Variants in UBR2 observed in about 807,000 individuals in gnomAD.
UBR2 encodes ubiquitin protein ligase E3 component n-recognin 2.
In UBR2, 92 loss-of-function variants were observed where a neutral mutation model predicts 247.9. That is an observed-to-expected ratio of 0.37 (90% CI 0.31 to 0.44). UBR2 has a LOEUF of 0.44. Ranked by LOEUF, UBR2 falls within the 20% of genes least tolerant of loss-of-function variation. The pLI is 1.00. For missense variants in UBR2, 1,613 were observed against 2,112.6 expected (o/e 0.76, Z 4.64); for synonymous variants, 672 against 693.5 (o/e 0.97, Z 0.49).
rs1797624627 is a variant in UBR2 at position 42,659,161 on chromosome 6, A to G, written c.3242+337A>G. Among the ~76,000 whole-genome samples, 1 of 152,184 alleles carries G rather than the reference A, an allele frequency of 6.6e-6. No individual in the cohort carries two copies. Among genetic ancestry groups the G allele is most frequent in the Non-Finnish European group, 1.5e-5 (1 of 68,028 alleles). On this transcript the variant is annotated intron_variant, in intron 29 of 46. Coordinates refer to ENST00000372901, the MANE Select transcript of UBR2 (RefSeq NM_001363705.2). This position sits in a 1 kb window ranked among gnomAD's most constrained non-coding sequence, Gnocchi z 4.3. ...AAAGGAGATGGTTTTGATACATACC[A>G]AAGACTTGACAATCCAAGTTATCAA...
chr6:42,677,860 G>A (rs1203684221), intron 40 of UBR2, among the ~76,000 whole-genome samples: 1 of 152,202 alleles, frequency 6.6e-6, no homozygotes, highest in Non-Finnish European at 1.5e-5. Context: ...GTTTGATATA[G>A]TGATGAATGT....
At chr6:42,575,659 A>G (rs1477385038) in intron 2 of UBR2, among the ~76,000 whole-genome samples, 2 of 152,196 alleles carry the variant, frequency 1.3e-5, no homozygotes, top group Admixed American at 6.5e-5. Context: ...TTCAAGTTGC[A>G]TCTGTGACAG....
At chr6:42,687,121 G>A (rs1018770689) in intron 44 of UBR2, among the ~76,000 whole-genome samples, 1 of 152,242 alleles carries the variant, frequency 6.6e-6, no homozygotes, top group African/African-American at 2.4e-5. Flanking sequence ...CACTTTGGGA[G>A]GCCAAGGCAG....
At chr6:42,674,060 A>G in intron 37 of UBR2, 66 bp from the exon 38 acceptor site, 2 of 1,510,478 alleles carry the variant, frequency 1.3e-6, no homozygotes, top group African/African-American at 1.4e-5. Flanking sequence ...AATTTAAAGC[A>G]GATTATATGC....
intron 34 of UBR2, among the ~76,000 whole-genome samples, chr6:42,666,873 A>G (rs971289169): frequency 6.6e-6 from 1 of 152,022 alleles, no homozygotes; most frequent in Admixed American, 6.6e-5. Context: ...CAGCACCACC[A>G]CTTATTAGCT....
At position 42,645,597 on chromosome 6, in the gene UBR2, A is replaced by G. The variant is rs1288655814; in HGVS notation, c.2409+7A>G. 6.2e-6 allele frequency: 10 copies of G among 1,610,498 alleles called. No homozygotes were observed. Among genetic ancestry groups the G allele is most frequent in the Non-Finnish European group, 8.5e-6 (10 of 1,179,180 alleles). Reference sequence around the variant, plus strand: ...AAAGTCTTTACCTGAAGATGTAAGTACCTACATTTCTAAAAAGAAAACCAT... The same window carrying G: ...AAAGTCTTTACCTGAAGATGTAAGTGCCTACATTTCTAAAAAGAAAACCAT... On this transcript the variant is annotated splice_region_variant and intron_variant, in intron 21 of 46. Coordinates refer to ENST00000372901, the MANE Select transcript of UBR2 (RefSeq NM_001363705.2).
intron 23 of UBR2, among the ~76,000 whole-genome samples, chr6:42,651,652 A>G (rs2057128): frequency 0.92 from 140,506 of 152,048 alleles, 65,081 homozygotes; most frequent in East Asian, 1. Flanking sequence ...CACCACGCCC[A>G]GCCAATTTTT....
At chr6:42,619,881 C>A in intron 11 of UBR2, 1 of 804,276 alleles carries the variant, frequency 1.2e-6, no homozygotes, top group Non-Finnish European at 1.5e-6. Flanking sequence ...CCACACCCAG[C>A]TAGTCTTAAC....
chr6:42,616,966 A>G (rs1415887611), intron 10 of UBR2, among the ~76,000 whole-genome samples: 1 of 152,200 alleles, frequency 6.6e-6, no homozygotes, highest in African/African-American at 2.4e-5. Context: ...CCACCAGCAT[A>G]CAATGACATC....
At chr6:42,614,330 A>ATGTATG (rs1482982553) in intron 8 of UBR2, among the ~76,000 whole-genome samples, 2,723 of 139,528 alleles carry the variant, frequency 0.02, 104 homozygotes, top group African/African-American at 0.069. Flanking sequence ...ATATATGTGT[A>ATGTATG]TATGTGTATG....
In UBR2 at chr6:42,615,051, A is replaced by G. The variant is rs768526155; in HGVS notation, c.986-20A>G. 3 of 1,601,704 alleles carry G rather than the reference A, an allele frequency of 1.9e-6. No individual in the cohort carries two copies. The highest frequency in any genetic ancestry group is 2.2e-5 in the East Asian group (1 of 44,608). On this transcript the variant is annotated intron_variant, in intron 8 of 46. Coordinates refer to ENST00000372901, the MANE Select transcript of UBR2 (RefSeq NM_001363705.2). ...ATATTTGAAGTTGCTATCTCATTCT[A>G]CCTTTCCTTCTATTTAAAGATGGCC... is the stretch of plus-strand genomic sequence containing the variant.
At chr6:42,686,914 A>G (rs1222655029) in intron 44 of UBR2, among the ~76,000 whole-genome samples, 3 of 149,216 alleles carry the variant, frequency 2.0e-5, no homozygotes, top group Non-Finnish European at 4.4e-5. Flanking sequence ...GGCGCTCCTC[A>G]CATCCCAGAC....
chr6:42,676,711 C>A, intron 39 of UBR2, 72 bp from the exon 40 acceptor site: 2 of 1,169,286 alleles, frequency 1.7e-6, no homozygotes, highest in Non-Finnish European at 2.6e-6. Flanking sequence ...TATTTGCATG[C>A]TTAATGTCTT....
At chr6:42,637,277 G>A in intron 15 of UBR2, 83 bp downstream of exon 15, 1 of 1,397,312 alleles carries the variant, frequency 7.2e-7, no homozygotes, top group Admixed American at 2.1e-5. Flanking sequence ...TACTTACTTT[G>A]TGCCAGATGT....
intron 11 of UBR2, among the ~76,000 whole-genome samples, chr6:42,622,338 A>G (rs928336241): frequency 4.1e-5 from 6 of 144,862 alleles, no homozygotes; most frequent in African/African-American, 1.6e-4. Flanking sequence ...CTTTTGTTAG[A>G]TTTATTTCTA....
At position 42,635,507 on chromosome 6, in the gene UBR2, A is replaced by T; in HGVS notation, c.1635A>T (p.Thr545=). 1 of 1,613,588 alleles carries T rather than the reference A, an allele frequency of 6.2e-7. No homozygotes were observed. Among genetic ancestry groups the T allele is most frequent in the Non-Finnish European group, 8.5e-7 (1 of 1,179,584 alleles). The part of the protein sequence containing the change: ...EAAFTLQMKL[T]HVISMMQDWC... ...CCTTCACACTACAAATGAAATTAAC[A>T]CATGTCATTTCAATGATGCAGGACT... Residue 545 remains threonine (T), a synonymous_variant, in exon 14 of 47, where the codon ACA becomes ACT. Transcript: ENST00000372901.
At chr6:42,611,178 A>G (rs1470527454) in intron 7 of UBR2, among the ~76,000 whole-genome samples, 1 of 147,716 alleles carries the variant, frequency 6.8e-6, no homozygotes, top group African/African-American at 2.5e-5. Flanking sequence ...AGTTGATAAC[A>G]TGGGCTGGGC....
At chr6:42,629,056 A>G (rs1795531561) in intron 11 of UBR2, among the ~76,000 whole-genome samples, 1 of 151,990 alleles carries the variant, frequency 6.6e-6, no homozygotes, top group Admixed American at 6.6e-5. Context: ...CGCTCTTGTC[A>G]TCCACGCTGG....
Position 42,676,134 on chromosome 6 carries a change from A to G in UBR2, c.4330A>G (p.Ile1444Val), listed in dbSNP as rs1015373244. The part of the protein sequence containing the change: ...GISLGTGDLH[I>V]FHLVTMAHII... ...CAGCCTTGGCACTGGAGACCTTCAC[A>G]TTTTCCATCTGGTTACTATGGCACA... Residue 1444 changes from isoleucine (I) to valine (V), a missense_variant, in exon 39 of 47, where the codon ATT becomes GTT. Coordinates refer to ENST00000372901, the MANE Select transcript of UBR2 (RefSeq NM_001363705.2). 15 of 1,613,494 alleles carry G rather than the reference A, an allele frequency of 9.3e-6. No individual in the cohort carries two copies. The Admixed American group carries it at 1.7e-4, about 18-fold the overall frequency.
Sources: gnomAD v4.1 joint callset for allele counts (sites outside exome capture counted in the v4.1 genomes callset) on GRCh38, gnomAD v4.1.1 for gene constraint, Gnocchi (gnomAD v3.1) non-coding constraint, MANE v1.5 for transcripts, NCBI Gene and HGNC (gene_info 2026-07-23, HGNC 2026-07-21) for gene names.